Variants in CCSER1 observed in about 807,000 individuals in gnomAD.
CCSER1 encodes the protein coiled-coil serine rich protein 1, also known as serine-rich coiled-coil domain-containing protein 1.
A neutral mutation model predicts 82.0 loss-of-function variants in CCSER1; 41 were observed. The ratio of observed to expected loss-of-function variants is 0.50; its 90% CI spans 0.39 to 0.65. The LOEUF (loss-of-function observed/expected upper bound fraction) is 0.65. Among genes scored for constraint, CCSER1 ranks in the 30% least tolerant of loss-of-function variants. The probability of loss-of-function intolerance (pLI) is 0.00; values close to 1 mark genes in which losing one functional copy is unlikely to be tolerated. For synonymous variants in CCSER1, 414 were observed against 383.9 expected (o/e 1.08, Z -0.92); for missense variants, 1,119 against 1,064.2 (o/e 1.05, Z -0.72).
At chr4:90,639,749 A>C (rs1240306854) in intron 6 of CCSER1, among the ~76,000 whole-genome samples, 1 of 152,088 alleles carries the variant, frequency 6.6e-6, no homozygotes, top group Admixed American at 6.6e-5. Context: ...GACAGAAGGA[A>C]ACAAGAGTTC....
rs981922164 is a variant in CCSER1, at chr4:91,116,274, G to C, written c.2217+30280G>C. Among the ~76,000 whole-genome samples the C allele has an allele frequency of 2.6e-5, 4 of 152,104 alleles. No homozygotes were observed. In the East Asian group the frequency reaches 7.7e-4, roughly 29 times the overall value. ...AATGACGAGTTCATGTCCTTTGTAG[G>C]GACATGGATGAAGCTGGAAATCCCT... On this transcript the variant is annotated intron_variant, in intron 10 of 10. Transcript: ENST00000509176.
intron 10 of CCSER1, among the ~76,000 whole-genome samples, chr4:91,413,514 A>C (rs753665971): frequency 9.9e-5 from 15 of 151,952 alleles, no homozygotes; most frequent in Non-Finnish European, 1.8e-4. Context: ...ACAAAAAAAA[A>C]CAAAAAGAAT....
intron 10 of CCSER1, among the ~76,000 whole-genome samples, chr4:91,584,498 A>G (rs112320598): frequency 6.0e-4 from 91 of 151,614 alleles, no homozygotes; most frequent in African/African-American, 2.1e-3. Context: ...TTTTATATCA[A>G]TAGACTTTTC....
chr4:90,493,428 C>T (rs1247283678), intron 5 of CCSER1, among the ~76,000 whole-genome samples: 1 of 152,068 alleles, frequency 6.6e-6, no homozygotes, highest in African/African-American at 2.4e-5. Flanking sequence ...CAAAGATACT[C>T]CTCGAGAAGA....
intron 10 of CCSER1, among the ~76,000 whole-genome samples, chr4:91,158,970 C>T (rs1178668062): frequency 6.6e-6 from 1 of 151,894 alleles, no homozygotes; most frequent in Non-Finnish European, 1.5e-5. Context: ...TTTCTTATTG[C>T]CTCCTTATTC....
chr4:90,153,864 T>A (rs371570405), intron 1 of CCSER1, among the ~76,000 whole-genome samples: 1 of 152,226 alleles, frequency 6.6e-6, no homozygotes, highest in East Asian at 1.9e-4. Context: ...TTTCTTTTGC[T>A]GTGCAGAAGC....
chr4:90,572,525 C>A (rs1446407304), intron 5 of CCSER1, among the ~76,000 whole-genome samples: 1 of 151,726 alleles, frequency 6.6e-6, no homozygotes, highest in Non-Finnish European at 1.5e-5. Context: ...CATTTCTTTT[C>A]ATTTTTTCTC....
Position 91,598,946 on chromosome 4 carries a change from A to G in CCSER1, c.2592A>G (p.Gly864=), listed in dbSNP as rs901542184. ...ATTCGACCTTTACAGGCAGGTTTGG[A>G]CAGCCACCCAGAGGGCCAATCTCTT... The part of the protein sequence containing the change: ...RQHSTFTGRF[G]QPPRGPISLH... The change falls in exon 11 of 11, where the codon GGA becomes GGG. Residue 864 remains glycine (G), a synonymous_variant. Coordinates refer to ENST00000509176, the MANE Select transcript of CCSER1 (RefSeq NM_001145065.2). 6.4e-7 allele frequency: 1 copy of G among 1,551,478 alleles called. No individual in the cohort carries two copies. The highest frequency in any genetic ancestry group is 8.7e-7 in the Non-Finnish European group (1 of 1,146,924).
chr4:90,776,995 A>G (rs1166465883), intron 7 of CCSER1, among the ~76,000 whole-genome samples: 1 of 152,166 alleles, frequency 6.6e-6, no homozygotes, highest in East Asian at 1.9e-4. Flanking sequence ...CTCAGAAGGT[A>G]TTTGTTGAAA....
rs548739527 is a variant in CCSER1 at position 91,528,193 on chromosome 4, T to C, written c.2218-70379T>C. Among the ~76,000 whole-genome samples the C allele has an allele frequency of 2.7e-3, 405 of 152,200 alleles. 1 individual carries two copies. The highest frequency in any genetic ancestry group is 9.3e-3 in the African/African-American group (387 of 41,540). On this transcript the variant is annotated intron_variant, in intron 10 of 10. Transcript: ENST00000509176. ...GCCTTGGCCTCTCAAAGTGCTGGGA[T>C]TACAGGTGTGAGCCACTGCGCCCAG...
intron 4 of CCSER1, among the ~76,000 whole-genome samples, chr4:90,432,111 A>G (rs1437113101): frequency 6.6e-6 from 1 of 152,138 alleles, no homozygotes; most frequent in African/African-American, 2.4e-5. Flanking sequence ...ACTGTTTTGA[A>G]AGGATCAATA....
chr4:90,668,677 G>C (rs907438142), intron 6 of CCSER1, among the ~76,000 whole-genome samples: 2 of 151,992 alleles, frequency 1.3e-5, no homozygotes, highest in African/African-American at 4.8e-5. Flanking sequence ...AATATTCCTT[G>C]AGAGATTTTA....
At chr4:90,349,919 C>A (rs112453324) in intron 3 of CCSER1, among the ~76,000 whole-genome samples, 2 of 152,206 alleles carry the variant, frequency 1.3e-5, no homozygotes, top group African/African-American at 4.8e-5. Flanking sequence ...AAACCCTAAA[C>A]TGTCATAACC....
rs1180756877 is a variant in CCSER1, at chr4:90,399,877, T to G, written c.1510-159T>G. ...GTCTTGGAATTTTTTATTGGACTGA[T>G]AATTTTAAAGCCCATAGGTGTCAAA... On this transcript the variant is annotated intron_variant, in intron 3 of 10. Transcript: ENST00000509176. Among the ~76,000 whole-genome samples the G allele has an allele frequency of 2.6e-5, 4 of 152,164 alleles. 1 individual carries two copies. Among genetic ancestry groups the G allele is most frequent in the Non-Finnish European group, 5.9e-5 (4 of 67,974 alleles).
chr4:90,942,948 T>A (rs1731767699), intron 9 of CCSER1, among the ~76,000 whole-genome samples: 1 of 141,914 alleles, frequency 7.0e-6, no homozygotes, highest in Non-Finnish European at 1.5e-5. Context: ...AAATTATTTT[T>A]CATATATATA....
intron 1 of CCSER1, among the ~76,000 whole-genome samples, chr4:90,284,497 T>A (rs1267798781): frequency 7.4e-5 from 11 of 148,594 alleles, no homozygotes; most frequent in African/African-American, 2.2e-4. Flanking sequence ...TGAATTGATT[T>A]TTTTTTTTTT....
chr4:91,229,657 A>G (rs974714132), intron 10 of CCSER1, among the ~76,000 whole-genome samples: 28 of 152,272 alleles, frequency 1.8e-4, no homozygotes, highest in African/African-American at 5.8e-4. Flanking sequence ...ATGCACCTGT[A>G]AAAAAGAATG....
At chr4:90,749,043 T>G (rs1449539277) in intron 7 of CCSER1, among the ~76,000 whole-genome samples, 101 of 151,954 alleles carry the variant, frequency 6.6e-4, no homozygotes, top group Admixed American at 5.1e-3. Flanking sequence ...TTAGTTTAAT[T>G]AGATCCCATT....
chr4:90,912,787 C>T (rs986387318), intron 8 of CCSER1, among the ~76,000 whole-genome samples: 5 of 152,118 alleles, frequency 3.3e-5, no homozygotes, highest in Admixed American at 2.0e-4. Flanking sequence ...GTAGAGAAGT[C>T]CTTAAAGGAC....
Sources: gnomAD v4.1 joint callset for allele counts (sites outside exome capture counted in the v4.1 genomes callset) on GRCh38, gnomAD v4.1.1 for gene constraint, MANE v1.5 for transcripts, NCBI Gene and HGNC (gene_info 2026-07-23, HGNC 2026-07-21) for gene names.